PPARGC1A: variants seen among roughly 807,000 people sequenced by gnomAD.
PPARGC1A encodes the protein PPARG coactivator 1 alpha.
In PPARGC1A, 25 loss-of-function variants were observed where a neutral mutation model predicts 88.7. The ratio of observed to expected loss-of-function variants is 0.28; its 90% CI spans 0.21 to 0.39. The LOEUF (loss-of-function observed/expected upper bound fraction) is 0.39, where lower values mean the gene tolerates loss of function less well. Among genes scored for constraint, PPARGC1A ranks in the 10% least tolerant of loss-of-function variants. The probability of loss-of-function intolerance (pLI) is 1.00; values close to 1 mark genes in which losing one functional copy is unlikely to be tolerated. For missense variants in PPARGC1A, 880 were observed against 968.7 expected (o/e 0.91, Z 1.22); for synonymous variants, 363 against 355.6 (o/e 1.02, Z -0.24).
the PPARGC1A span, among the ~76,000 whole-genome samples, chr4:24,443,090 T>C: frequency 2.2e-4 from 34 of 152,182 alleles, no homozygotes; most frequent in African/African-American, 8.0e-4. Flanking sequence ...ACATTTCTAA[T>C]TGAGTCCTAA....
chr4:24,138,315 G>C, the PPARGC1A span, among the ~76,000 whole-genome samples: 1 of 152,168 alleles, frequency 6.6e-6, no homozygotes, highest in African/African-American at 2.4e-5. Context: ...CTCTAGTTAA[G>C]TCAGGTCTCT....
the PPARGC1A span, among the ~76,000 whole-genome samples, chr4:24,304,697 C>T: frequency 6.6e-6 from 1 of 152,142 alleles, no homozygotes; most frequent in Non-Finnish European, 1.5e-5. Context: ...AATCAGGACA[C>T]TTTTGGGAAT....
At chr4:24,131,142 G>A in the PPARGC1A span, among the ~76,000 whole-genome samples, 5 of 151,884 alleles carry the variant, frequency 3.3e-5, no homozygotes, top group Admixed American at 1.3e-4. Flanking sequence ...TCTATCTTTA[G>A]TACCTAGCAC....
At chr4:24,179,566 C>A in the PPARGC1A span, among the ~76,000 whole-genome samples, 1 of 152,272 alleles carries the variant, frequency 6.6e-6, no homozygotes, top group Non-Finnish European at 1.5e-5. Flanking sequence ...TGTAGTTCAG[C>A]TACCCTCTTT....
the PPARGC1A span, among the ~76,000 whole-genome samples, chr4:24,270,697 G>GTT: frequency 6.6e-6 from 1 of 152,150 alleles, no homozygotes; most frequent in African/African-American, 2.4e-5. Context: ...CCAGAAAAGG[G>GTT]TTCAGCATGC....
the PPARGC1A span, among the ~76,000 whole-genome samples, chr4:23,952,881 G>A: frequency 3.3e-5 from 5 of 151,956 alleles, no homozygotes; most frequent in African/African-American, 1.2e-4. Context: ...TTTCATTAAA[G>A]TCTACTCATT....
At chr4:24,398,766 C>T in the PPARGC1A span, among the ~76,000 whole-genome samples, 1 of 152,120 alleles carries the variant, frequency 6.6e-6, no homozygotes, top group African/African-American at 2.4e-5. Context: ...GTGCATTTCT[C>T]CAGGGGTTAA....
Position 23,839,544 on chromosome 4 carries a change from C to T in PPARGC1A, c.235-7793G>A, listed in dbSNP as rs1010657533. 3.3e-5 allele frequency among the ~76,000 whole-genome samples: 5 copies of T among 152,130 alleles called. 1 individual carries two copies. Among genetic ancestry groups the T allele is most frequent in the African/African-American group, 9.7e-5 (4 of 41,436 alleles). On this transcript the variant is annotated intron_variant, in intron 2 of 12. Coordinates refer to ENST00000264867, the MANE Select transcript of PPARGC1A (RefSeq NM_013261.5). ...GGAGAATTAATCCTAGATCCATTTCCACCACCAGCTAGCTACATGTCCTCA... is the reference window on the plus strand; with the variant it reads ...GGAGAATTAATCCTAGATCCATTTCTACCACCAGCTAGCTACATGTCCTCA...
chr4:24,311,935 G>A, the PPARGC1A span, among the ~76,000 whole-genome samples: 6 of 152,290 alleles, frequency 3.9e-5, no homozygotes, highest in Admixed American at 3.9e-4. Context: ...CCATGAAGAA[G>A]AGGAAGCTCG....
At chr4:23,811,557 C>T (rs2970845) in intron 10 of PPARGC1A, among the ~76,000 whole-genome samples, 38,944 of 152,064 alleles carry the variant, frequency 0.26, 5,418 homozygotes, top group Admixed American at 0.34. Flanking sequence ...TTAGGAATGT[C>T]TGCCATGGGC....
At chr4:23,975,419 TC>T in the PPARGC1A span, among the ~76,000 whole-genome samples, 33 of 33,316 alleles carry the variant, frequency 9.9e-4, no homozygotes, top group Non-Finnish European at 2.6e-3. Flanking sequence ...TGCTATTCAT[TC>T]TTTTTTTTTT....
chr4:24,197,479 G>A, the PPARGC1A span, among the ~76,000 whole-genome samples: 2 of 152,114 alleles, frequency 1.3e-5, no homozygotes, highest in Non-Finnish European at 2.9e-5. Flanking sequence ...CTTCCTCCAG[G>A]TCCCACCTTG....
chr4:24,327,000 T>C, the PPARGC1A span, among the ~76,000 whole-genome samples: 1 of 152,206 alleles, frequency 6.6e-6, no homozygotes, highest in Non-Finnish European at 1.5e-5. Flanking sequence ...CCAACCTTTA[T>C]TAGTCAAATC....
the PPARGC1A span, among the ~76,000 whole-genome samples, chr4:24,103,611 A>AAAT: frequency 6.7e-6 from 1 of 149,894 alleles, no homozygotes; most frequent in Non-Finnish European, 1.5e-5. Context: ...AAAAAAAAAA[A>AAAT]GCCTCGTCAG....
chr4:24,337,207 T>G, the PPARGC1A span, among the ~76,000 whole-genome samples: 1 of 152,214 alleles, frequency 6.6e-6, no homozygotes, highest in Non-Finnish European at 1.5e-5. Context: ...TGGGAGCCCA[T>G]CTTTCCTCTG....
Position 23,829,450 on chromosome 4 carries a change from T to C in PPARGC1A, c.552+13A>G, listed in dbSNP as rs758252543. The stretch of plus-strand genomic sequence containing the variant: ...GGTACATCCCCCCTGTATTAAAAAA[T>C]TTACATTTGTACCTTAACAATTGCA... On this transcript the variant is annotated intron_variant, in intron 4 of 12. Coordinates refer to ENST00000264867, the MANE Select transcript of PPARGC1A (RefSeq NM_013261.5). The C allele has an allele frequency of 3.7e-6, 6 of 1,611,928 alleles. No homozygotes were observed. The highest frequency in any genetic ancestry group is 1.7e-5 in the Admixed American group (1 of 59,956).
upstream of PPARGC1A, among the ~76,000 whole-genome samples, chr4:23,900,882 C>G (rs1312997876): frequency 6.6e-6 from 1 of 152,192 alleles, no homozygotes; most frequent in Non-Finnish European, 1.5e-5. Context: ...ATTAGGCTGG[C>G]CACAAAGTTA....
chr4:24,341,674 T>C, the PPARGC1A span, among the ~76,000 whole-genome samples: 1 of 152,146 alleles, frequency 6.6e-6, no homozygotes, highest in African/African-American at 2.4e-5. Context: ...GAAGTTACTG[T>C]GAAGAAGACA....
At chr4:24,120,967 C>T in the PPARGC1A span, among the ~76,000 whole-genome samples, 1 of 152,348 alleles carries the variant, frequency 6.6e-6, no homozygotes, top group Admixed American at 6.5e-5. Context: ...AATTGGACTT[C>T]TCTGCTCAGT....
Sources: gnomAD v4.1 joint callset for allele counts (sites outside exome capture counted in the v4.1 genomes callset) on GRCh38, gnomAD v4.1.1 for gene constraint, MANE v1.5 for transcripts, NCBI Gene and HGNC (gene_info 2026-07-23, HGNC 2026-07-21) for gene names.